Variants in PLCG2 observed in about 807,000 individuals in gnomAD.
PLCG2 encodes the protein phospholipase C gamma 2, also known as 1-phosphatidylinositol 4,5-bisphosphate phosphodiesterase gamma-2.
Under a neutral mutation model 175.6 loss-of-function variants are expected in PLCG2, and 69 were observed. The observed-to-expected ratio is 0.39, with a 90% CI of 0.32 to 0.48. The LOEUF (loss-of-function observed/expected upper bound fraction) is 0.48. Ranked by LOEUF, PLCG2 falls within the 20% of genes least tolerant of loss-of-function variation. The pLI, the probability that PLCG2 is intolerant of heterozygous loss-of-function variation, is 0.91. For missense variants in PLCG2, 1,798 were observed against 1,650.9 expected (o/e 1.09, Z -1.54); for synonymous variants, 827 against 624.0 (o/e 1.33, Z -4.85).
At chr16:81,810,972 C>G (rs1904313600) in intron 2 of PLCG2, among the ~76,000 whole-genome samples, 1 of 152,206 alleles carries the variant, frequency 6.6e-6, no homozygotes, top group Admixed American at 6.5e-5. Flanking sequence ...GCCCAGGGAA[C>G]AGCAGCGAAA....
intron 1 of PLCG2, among the ~76,000 whole-genome samples, chr16:81,782,492 A>G (rs1424487125): frequency 6.6e-6 from 1 of 152,128 alleles, no homozygotes; most frequent in Non-Finnish European, 1.5e-5. Flanking sequence ...CCTCCCTGCC[A>G]TAGTTGATAA....
chr16:81,857,837 G>A (rs1169995151), intron 3 of PLCG2: 3 of 169,136 alleles, frequency 1.8e-5, no homozygotes, highest in Admixed American at 1.1e-4. Flanking sequence ...CCTGTCTTAG[G>A]TTCAGTGGTT....
intron 2 of PLCG2, among the ~76,000 whole-genome samples, chr16:81,769,259 C>G (rs967304729): frequency 6.6e-6 from 1 of 152,208 alleles, no homozygotes; most frequent in South Asian, 2.1e-4. Flanking sequence ...CCTGTATCTG[C>G]CCAAAGTGCC....
intron 30 of PLCG2, among the ~76,000 whole-genome samples, chr16:81,943,674 A>G (rs376802133): frequency 1.8e-4 from 27 of 152,362 alleles, no homozygotes; most frequent in East Asian, 7.7e-4. Context: ...TTCACAGGTG[A>G]TTCACATTTG....
At chr16:81,901,144 C>T (rs983194983) in intron 14 of PLCG2, among the ~76,000 whole-genome samples, 31 of 152,226 alleles carry the variant, frequency 2.0e-4, no homozygotes, top group African/African-American at 7.0e-4. Flanking sequence ...TCCCCATCCT[C>T]TCTCGGAGAC....
chr16:81,925,001 G>C (rs1360731373), intron 22 of PLCG2, among the ~76,000 whole-genome samples: 1 of 152,242 alleles, frequency 6.6e-6, no homozygotes. Flanking sequence ...TCAACATCCT[G>C]GTGCGCACTG....
At chr16:81,859,691 T>C (rs1016266727) in intron 5 of PLCG2, among the ~76,000 whole-genome samples, 38 of 152,236 alleles carry the variant, frequency 2.5e-4, no homozygotes, top group South Asian at 4.1e-4. Flanking sequence ...CCCGCCACCA[T>C]GCCCGGCTAA....
chr16:81,790,849 T>C (rs1911200281), intron 2 of PLCG2, among the ~76,000 whole-genome samples: 2 of 152,098 alleles, frequency 1.3e-5, no homozygotes, highest in Admixed American at 6.5e-5. Flanking sequence ...TACAGGGTGC[T>C]ACTGGCATCT....
chr16:81,883,720 G>T (rs545330392), intron 9 of PLCG2: 24 of 283,600 alleles, frequency 8.5e-5, no homozygotes, highest in African/African-American at 5.1e-4. Context: ...AGCCTTCCTT[G>T]ACTGATGGGA....
intron 5 of PLCG2, among the ~76,000 whole-genome samples, chr16:81,865,792 A>T (rs1907201105): frequency 7.1e-6 from 1 of 140,160 alleles, no homozygotes; most frequent in South Asian, 2.3e-4. Flanking sequence ...TGCTCCCAGG[A>T]TGGGCTCCAC....
At chr16:81,816,971 C>A (rs1904580861) in intron 2 of PLCG2, among the ~76,000 whole-genome samples, 1 of 151,964 alleles carries the variant, frequency 6.6e-6, no homozygotes, top group African/African-American at 2.4e-5. Flanking sequence ...TTTCCTATGC[C>A]CATTGCACAG....
Position 81,961,758 on chromosome 16 carries a change from A to C in PLCG2, c.*3760A>C. On this transcript the variant is annotated 3_prime_UTR_variant, in exon 33 of 33. Coordinates refer to ENST00000564138, the MANE Select transcript of PLCG2 (RefSeq NM_002661.5). ...AAGAACCTCCTGGGCTAAATTTAAA[A>C]AGTAATACAACAGTTTTATTTAAAC... The C allele has an allele frequency of 4.9e-6, 1 of 204,836 alleles. No individual in the cohort carries two copies. The highest frequency in any genetic ancestry group is 1.0e-5 in the Non-Finnish European group (1 of 100,042). The allele number at this position is 204,836 out of a possible 1,614,324, so 12.7% of individuals were successfully genotyped here.
At chr16:81,763,533 G>A (rs955150655) in intron 2 of PLCG2, among the ~76,000 whole-genome samples, 1 of 152,198 alleles carries the variant, frequency 6.6e-6, no homozygotes, top group South Asian at 2.1e-4. Context: ...GAGGCTCCCC[G>A]GGCACCTCTC....
At chr16:81,800,496 G>C (rs1802224465) in intron 2 of PLCG2, among the ~76,000 whole-genome samples, 1 of 152,146 alleles carries the variant, frequency 6.6e-6, no homozygotes, top group Non-Finnish European at 1.5e-5. Context: ...TTAGTTTGCT[G>C]AGGATGATGG....
Position 81,919,509 on chromosome 16 carries a change from C to G in PLCG2, c.2080C>G (p.Arg694Gly). The G allele has an allele frequency of 1.2e-6, 2 of 1,613,986 alleles. No individual in the cohort carries two copies. The highest frequency in any genetic ancestry group is 2.2e-5 in the East Asian group (1 of 44,876). The change falls in exon 20 of 33, where the codon CGC becomes GGC. Residue 694 changes from arginine (R) to glycine (G), a missense_variant. Arg to Gly is a moderately radical substitution (Grantham distance 125, BLOSUM62 -2). Transcript: ENST00000564138. ...GGCTAGGGGCAAGGTAAAGCATTGT[C>G]GCATCAACCGGGACGGCCGGCACTT... ...FRARGKVKHCRINRDGRHFVL... is the reference protein window; with the variant it reads ...FRARGKVKHCGINRDGRHFVL...
chr16:81,891,494 G>A lies in PLCG2; in HGVS notation c.890G>A (p.Arg297Gln), dbSNP rs765793763. ...TAGTTCCTCACGTACCTGTTTTCAC[G>A]AGAAAACAGCATCTGGGATGAGAAG... is the stretch of plus-strand genomic sequence containing the variant. ...VDEFLTYLFS[R>Q]ENSIWDEKYD... The change falls in exon 11 of 33, where the codon CGA becomes CAA. Residue 297 changes from arginine (R) to glutamine (Q), a missense_variant. Physicochemically the swap from Arg to Gln is conservative, Grantham distance 43. Coordinates refer to ENST00000564138, the MANE Select transcript of PLCG2 (RefSeq NM_002661.5). 17 of 1,607,024 alleles carry A rather than the reference G, an allele frequency of 1.1e-5. No homozygotes were observed. Among genetic ancestry groups the A allele is most frequent in the Admixed American group, 1.7e-5 (1 of 60,008 alleles).
chr16:81,892,969 C>T (rs1216154516), intron 11 of PLCG2, among the ~76,000 whole-genome samples: 3 of 151,818 alleles, frequency 2.0e-5, no homozygotes, highest in Non-Finnish European at 2.9e-5. Flanking sequence ...CTCAGCCTCC[C>T]GAGTAGCTGG....
intron 5 of PLCG2, among the ~76,000 whole-genome samples, chr16:81,864,285 G>A (rs183495914): frequency 7.9e-5 from 12 of 152,264 alleles, no homozygotes; most frequent in Admixed American, 7.2e-4. Flanking sequence ...GAACTCTGGG[G>A]CTGCGCTGTC....
chr16:81,824,414 G>A (rs1019186102), intron 2 of PLCG2, among the ~76,000 whole-genome samples: 3 of 152,182 alleles, frequency 2.0e-5, no homozygotes, highest in South Asian at 2.1e-4. Flanking sequence ...GATTACAAGC[G>A]TGAGCCACTG....
Sources: allele counts gnomAD v4.1 joint callset (sites outside exome capture counted in the v4.1 genomes callset), GRCh38; gene constraint gnomAD v4.1.1; transcripts MANE v1.5; gene names NCBI Gene and HGNC (gene_info 2026-07-23, HGNC 2026-07-21).